OLAH: variants seen among roughly 807,000 people sequenced by gnomAD.
OLAH encodes the protein S-acyl fatty acid synthase thioesterase, medium chain.
A neutral mutation model predicts 27.8 loss-of-function variants in OLAH; 33 were observed. The ratio of observed to expected loss-of-function variants is 1.19; its 90% CI spans 0.90 to 1.59. The LOEUF (loss-of-function observed/expected upper bound fraction) is 1.59, where lower values mean the gene tolerates loss of function less well. Among genes scored for constraint, OLAH ranks in the 40% most tolerant of loss-of-function variants. The probability of loss-of-function intolerance (pLI) is 0.00; values close to 1 mark genes in which losing one functional copy is unlikely to be tolerated. For synonymous variants in OLAH, 120 were observed against 102.9 expected (o/e 1.17, Z -1.01); for missense variants, 359 against 310.8 (o/e 1.16, Z -1.17).
Position 15,064,419 on chromosome 10 carries a change from G to T in OLAH, c.319G>T (p.Ala107Ser). ...TGAATTTAGTATGGGATCCTACATT[G>T]CTTTTAGGACTGCACTAGGTCTAAA... ...FFGHSMGSYI[A>S]FRTALGLKEN... Residue 107 changes from alanine (A) to serine (S), a missense_variant, in exon 5 of 8, where the codon GCT becomes TCT. Transcript: ENST00000378228. The T allele has an allele frequency of 8.1e-6, 13 of 1,596,038 alleles. No homozygotes were observed. Among genetic ancestry groups the T allele is most frequent in the Non-Finnish European group, 1.1e-5 (13 of 1,172,360 alleles).
chr10:15,057,392 G>A lies in OLAH; in HGVS notation c.164-4332G>A, dbSNP rs189564810. On this transcript the variant is annotated intron_variant, in intron 3 of 7. Coordinates refer to ENST00000378228, the MANE Select transcript of OLAH (RefSeq NM_001039702.3). ...TTCACATGTATGTGGGTCTATTTCT[G>A]GGCTTTTTTTTTTTTTTTTTTTTGA... is the stretch of plus-strand genomic sequence containing the variant. Among the ~76,000 whole-genome samples, 602 of 132,912 alleles carry A rather than the reference G, an allele frequency of 4.5e-3. 2 individuals are homozygous for A. The highest frequency in any genetic ancestry group is 6.1e-3 in the Non-Finnish European group (399 of 65,514). The allele number at this position is 132,912 out of a possible 152,430, so 87.2% of individuals were successfully genotyped here. A position where few individuals can be genotyped will look rare whatever the true frequency, so the allele number is the denominator to read the frequency against.
chr10:15,068,635 T>C (rs914727749), intron 6 of OLAH, among the ~76,000 whole-genome samples: 3 of 152,122 alleles, frequency 2.0e-5, no homozygotes, highest in Admixed American at 1.3e-4. Context: ...CCTCAGGTGA[T>C]CCACCCCACC....
At chr10:15,069,785 G>A (rs1216330492) in intron 6 of OLAH, among the ~76,000 whole-genome samples, 1 of 152,258 alleles carries the variant, frequency 6.6e-6, no homozygotes, top group Non-Finnish European at 1.5e-5. Context: ...AGAATCACTT[G>A]AACCCAGGAG....
Position 15,065,614 on chromosome 10 carries a change from G to A in OLAH, c.433G>A (p.Asp145Asn), listed in dbSNP as rs1589252042. The A allele has an allele frequency of 6.2e-7, 1 of 1,612,374 alleles. No individual in the cohort carries two copies. Among genetic ancestry groups the A allele is most frequent in the South Asian group, 1.1e-5 (1 of 90,516 alleles). Reference protein sequence around the residue: ...SKAWHRIPKDDELSEEQISHY... With the variant: ...SKAWHRIPKDNELSEEQISHY... ...GGCCTGGCATCGCATTCCCAAAGATGATGAATTGTCAGAAGAACAAATAAG... is the reference window on the plus strand; with the variant it reads ...GGCCTGGCATCGCATTCCCAAAGATAATGAATTGTCAGAAGAACAAATAAG... Residue 145 changes from aspartate (D) to asparagine (N), a missense_variant, in exon 6 of 8, where the codon GAT becomes AAT. Physicochemically the swap from Asp to Asn is conservative, Grantham distance 23. Coordinates refer to ENST00000378228, the MANE Select transcript of OLAH (RefSeq NM_001039702.3).
intron 3 of OLAH, among the ~76,000 whole-genome samples, chr10:15,055,675 G>C (rs901707135): frequency 2.6e-5 from 4 of 152,202 alleles, no homozygotes; most frequent in Non-Finnish European, 4.4e-5. Flanking sequence ...CTTTAAACAA[G>C]TTTTCAAATA....
chr10:15,067,915 C>T (rs922856159), intron 6 of OLAH: 3 of 152,240 alleles, frequency 2.0e-5, no homozygotes, highest in African/African-American at 7.2e-5. Context: ...ATCTGTCCTC[C>T]TCTCTTGCTT....
intron 6 of OLAH, among the ~76,000 whole-genome samples, chr10:15,066,469 C>G (rs999598190): frequency 1.2e-4 from 18 of 152,038 alleles, no homozygotes; most frequent in Admixed American, 5.2e-4. Flanking sequence ...CATTTTGTTC[C>G]AGAACTCATT....
chr10:15,062,002 CT>C, intron 4 of OLAH, 140 bp downstream of exon 4: 1 of 763,016 alleles, frequency 1.3e-6, no homozygotes, highest in Non-Finnish European at 2.0e-6. Flanking sequence ...GCCATCACAA[CT>C]TTTACAATTC....
At chr10:15,033,876 T>C (rs534006392) in intron 1 of OLAH, among the ~76,000 whole-genome samples, 31 of 152,096 alleles carry the variant, frequency 2.0e-4, no homozygotes, top group Admixed American at 9.8e-4. Context: ...TCCTATCTCT[T>C]AATATTACAA....
intron 3 of OLAH, among the ~76,000 whole-genome samples, chr10:15,052,445 AT>A (rs1024242953): frequency 2.0e-5 from 3 of 151,872 alleles, no homozygotes; most frequent in Admixed American, 6.6e-5. Context: ...TTTTAAGAAA[AT>A]TTTTTTTGTA....
upstream of OLAH, among the ~76,000 whole-genome samples, chr10:15,038,964 T>C (rs1347582185): frequency 6.6e-6 from 1 of 152,158 alleles, no homozygotes; most frequent in Non-Finnish European, 1.5e-5. Context: ...GGTTCACGCT[T>C]GTAATACCAG....
At chr10:15,067,471 A>AAAAAC (rs1186528576) in intron 6 of OLAH, among the ~76,000 whole-genome samples, 1 of 152,196 alleles carries the variant, frequency 6.6e-6, no homozygotes, top group African/African-American at 2.4e-5. Flanking sequence ...GCTATTTTTA[A>AAAAAC]AAAACAAAAC....
intron 1 of OLAH, among the ~76,000 whole-genome samples, chr10:15,038,300 T>C (rs1340204700): frequency 1.3e-5 from 2 of 152,228 alleles, no homozygotes; most frequent in African/African-American, 4.8e-5. Flanking sequence ...GACTGTGGAC[T>C]TCTGAGTTAA....
chr10:15,035,317 C>T (rs1012303159), intron 1 of OLAH, among the ~76,000 whole-genome samples: 2 of 152,148 alleles, frequency 1.3e-5, no homozygotes, highest in East Asian at 1.9e-4. Context: ...AAAGAAATAC[C>T]TGTGACCGGG....
chr10:15,066,240 CA>C (rs201236007), intron 6 of OLAH, among the ~76,000 whole-genome samples: 34,377 of 92,688 alleles, frequency 0.37, 3,973 homozygotes, highest in Admixed American at 0.48. Flanking sequence ...GACTCCATCT[CA>C]AAAAAAAAAA....
At chr10:15,066,553 C>T (rs1000898466) in intron 6 of OLAH, among the ~76,000 whole-genome samples, 2 of 151,896 alleles carry the variant, frequency 1.3e-5, no homozygotes, top group Non-Finnish European at 2.9e-5. Context: ...TCTGATAGAA[C>T]TGAAGTCCTG....
intron 7 of OLAH, among the ~76,000 whole-genome samples, chr10:15,072,294 G>GA (rs1415981795): frequency 6.6e-6 from 1 of 151,776 alleles, no homozygotes; most frequent in Non-Finnish European, 1.5e-5. Context: ...ATTTACGTTC[G>GA]ATGATTTTTG....
At chr10:15,032,724 C>T (rs1310653575) in intron 1 of OLAH, among the ~76,000 whole-genome samples, 1 of 152,010 alleles carries the variant, frequency 6.6e-6, no homozygotes, top group African/African-American at 2.4e-5. Flanking sequence ...TATTCTTGGC[C>T]AGGAGGTGAT....
At chr10:15,039,814 T>TC (rs544482486), upstream of OLAH, among the ~76,000 whole-genome samples, 12 of 152,282 alleles carry the variant, frequency 7.9e-5, no homozygotes, top group South Asian at 1.9e-3. Context: ...GAAGTCTGTA[T>TC]CCCCTAAGAA....
Sources: allele counts gnomAD v4.1 joint callset (sites outside exome capture counted in the v4.1 genomes callset), GRCh38; gene constraint gnomAD v4.1.1; transcripts MANE v1.5; gene names NCBI Gene and HGNC (gene_info 2026-07-23, HGNC 2026-07-21).